LURAP1L: variants seen among roughly 807,000 people sequenced by gnomAD.
LURAP1L encodes the protein leucine rich adaptor protein 1-like.
In LURAP1L, 12 loss-of-function variants were observed where a neutral mutation model predicts 13.8. The ratio of observed to expected loss-of-function variants is 0.87; its 90% CI spans 0.56 to 1.41. The LOEUF is 1.41. Ranked by LOEUF, LURAP1L falls within the 40% of genes most tolerant of loss-of-function variation. LURAP1L has a pLI of 0.00. For synonymous variants in LURAP1L, 139 were observed against 119.2 expected (o/e 1.17, Z -1.08); for missense variants, 375 against 292.9 (o/e 1.28, Z -2.04).
Position 12,776,096 on chromosome 9 carries a change from T to TGGGGCTGGGAGAGAGGACGGCA in LURAP1L, c.312+77_312+98dup, listed in dbSNP as rs1402415465. The TGGGGCTGGGAGAGAGGACGGCA allele has an allele frequency of 2.7e-6, 4 of 1,485,652 alleles. No homozygotes were observed. In the African/African-American group the frequency reaches 5.6e-5, roughly 21 times the overall value. 92.0% of individuals were successfully genotyped at this position (1,485,652 alleles called of 1,614,324 possible). On this transcript the variant is annotated intron_variant, in intron 1 of 1. Coordinates refer to ENST00000319264, the MANE Select transcript of LURAP1L (RefSeq NM_203403.2). ...GCCAAAAGATGGGGCGATCTGAGAA[T>TGGGGCTGGGAGAGAGGACGGCA]GGGGCTGGGAGAGAGGACGGCAGGG... is the stretch of plus-strand genomic sequence containing the variant.
At chr9:12,777,178 T>C in intron 1 of LURAP1L, 1 of 905,234 alleles carries the variant, frequency 1.1e-6, no homozygotes, top group Non-Finnish European at 1.3e-6. Context: ...AGTTCTATCA[T>C]TTAGTGATTG....
At chr9:12,814,923 C>T (rs942181234) in intron 1 of LURAP1L, among the ~76,000 whole-genome samples, 7 of 152,126 alleles carry the variant, frequency 4.6e-5, no homozygotes, top group African/African-American at 1.7e-4. Flanking sequence ...CAGTTAGAAA[C>T]AAATTTTGTT....
chr9:12,800,428 T>C (rs984094363), intron 1 of LURAP1L, among the ~76,000 whole-genome samples: 3 of 151,960 alleles, frequency 2.0e-5, no homozygotes, highest in Admixed American at 6.6e-5. Flanking sequence ...AGATCCAAAA[T>C]CCAAATCATG....
chr9:12,815,480 C>T lies in LURAP1L; in HGVS notation c.313-5906C>T, dbSNP rs149340305. ...ATGAGAAACTAGGGTTAGAGCATCA[C>T]ATTAAAAAGCAAGTCTAATCTTTCT... On this transcript the variant is annotated intron_variant, in intron 1 of 1. Coordinates refer to ENST00000319264, the MANE Select transcript of LURAP1L (RefSeq NM_203403.2). Among the ~76,000 whole-genome samples the T allele has an allele frequency of 1.4e-3, 216 of 152,272 alleles. 2 individuals are homozygous for T. Among genetic ancestry groups the T allele is most frequent in the Non-Finnish European group, 2.2e-3 (148 of 68,008 alleles).
intron 1 of LURAP1L, among the ~76,000 whole-genome samples, chr9:12,813,576 A>G (rs1819766641): frequency 6.6e-6 from 1 of 152,154 alleles, no homozygotes; most frequent in African/African-American, 2.4e-5. Context: ...GACTTAAGTG[A>G]TAGAGAAAAT....
At chr9:12,819,997 T>G (rs190861518) in intron 1 of LURAP1L, among the ~76,000 whole-genome samples, 130 of 152,174 alleles carry the variant, frequency 8.5e-4, no homozygotes, top group Non-Finnish European at 1.4e-3. Flanking sequence ...GACTAGGACC[T>G]CTAGTGGCCA....
intron 1 of LURAP1L, among the ~76,000 whole-genome samples, chr9:12,782,324 C>G (rs1262861378): frequency 6.6e-6 from 1 of 152,176 alleles, no homozygotes; most frequent in Non-Finnish European, 1.5e-5. Flanking sequence ...CTCAAGAAGT[C>G]CTTGTCCAGA....
chr9:12,807,170 G>A (rs1203270702), intron 1 of LURAP1L, among the ~76,000 whole-genome samples: 1 of 144,234 alleles, frequency 6.9e-6, no homozygotes, highest in Non-Finnish European at 1.5e-5. Context: ...GGGAGCTGAA[G>A]CAGGAGAATG....
Position 12,821,448 on chromosome 9 carries a change from C to A in LURAP1L, c.375C>A (p.Ile125=), listed in dbSNP as rs377031853. 5.9e-5 allele frequency: 95 copies of A among 1,614,054 alleles called. 2 individuals carry two copies. The highest frequency in any genetic ancestry group is 5.2e-4 in the South Asian group (47 of 91,078). The change falls in exon 2 of 2, where the codon ATC becomes ATA. Residue 125 remains isoleucine, a synonymous_variant. Coordinates refer to ENST00000319264, the MANE Select transcript of LURAP1L (RefSeq NM_203403.2). ...AGTTGCTTGTAATCAATGAGAGCAT[C>A]GAGTCCATCAAGTGGATGATCGAAG... The part of the protein sequence containing the change: ...MRQLLVINES[I]ESIKWMIEEK...
At chr9:12,799,505 G>C (rs548180306) in intron 1 of LURAP1L, among the ~76,000 whole-genome samples, 2 of 152,244 alleles carry the variant, frequency 1.3e-5, no homozygotes, top group South Asian at 2.1e-4. Flanking sequence ...AGAACAACCA[G>C]ATCATTACTG....
At chr9:12,811,627 A>G (rs1273735130) in intron 1 of LURAP1L, among the ~76,000 whole-genome samples, 1 of 152,196 alleles carries the variant, frequency 6.6e-6, no homozygotes, top group Non-Finnish European at 1.5e-5. Context: ...GTATCATGCC[A>G]CAGACAGTGA....
At chr9:12,799,275 CTCTG>C (rs1325266924) in intron 1 of LURAP1L, among the ~76,000 whole-genome samples, 1 of 152,086 alleles carries the variant, frequency 6.6e-6, no homozygotes, top group East Asian at 1.9e-4. Context: ...TCTCTGATTC[CTCTG>C]TCTGTCTTTA....
intron 1 of LURAP1L, among the ~76,000 whole-genome samples, chr9:12,808,076 C>G (rs1309063285): frequency 6.6e-6 from 1 of 151,962 alleles, no homozygotes; most frequent in Non-Finnish European, 1.5e-5. Context: ...AATGCATTGT[C>G]ATTGTTATTT....
At chr9:12,807,497 A>G (rs1819676265) in intron 1 of LURAP1L, among the ~76,000 whole-genome samples, 1 of 152,164 alleles carries the variant, frequency 6.6e-6, no homozygotes, top group African/African-American at 2.4e-5. Context: ...TAAAATCTGC[A>G]AGAATATGAT....
chr9:12,787,308 C>A (rs1586876727), intron 1 of LURAP1L, among the ~76,000 whole-genome samples: 1 of 152,124 alleles, frequency 6.6e-6, no homozygotes, highest in East Asian at 1.9e-4. Flanking sequence ...CTGAGAAGTT[C>A]ATGACGCAGC....
chr9:12,806,631 GTTTTAC>G (rs889351834), intron 1 of LURAP1L, among the ~76,000 whole-genome samples: 2 of 151,978 alleles, frequency 1.3e-5, no homozygotes, highest in Non-Finnish European at 2.9e-5. Flanking sequence ...ACAATTTTAT[GTTTTAC>G]TTTTAGAAGT....
chr9:12,812,417 C>T (rs1819749162), intron 1 of LURAP1L, among the ~76,000 whole-genome samples: 1 of 152,160 alleles, frequency 6.6e-6, no homozygotes, highest in Non-Finnish European at 1.5e-5. Context: ...TATTCTGTTG[C>T]AGAGATTGCT....
chr9:12,777,835 A>C (rs1819213201), intron 1 of LURAP1L, among the ~76,000 whole-genome samples: 1 of 152,330 alleles, frequency 6.6e-6, no homozygotes, highest in South Asian at 2.1e-4. Context: ...AGAATTTTTA[A>C]ACTGATGATG....
At chr9:12,798,747 A>G (rs1441302318) in intron 1 of LURAP1L, among the ~76,000 whole-genome samples, 1 of 152,212 alleles carries the variant, frequency 6.6e-6, no homozygotes, top group Non-Finnish European at 1.5e-5. Flanking sequence ...GACAATAGGA[A>G]TAGAAATCAG....
Sources: allele counts gnomAD v4.1 joint callset (sites outside exome capture counted in the v4.1 genomes callset), GRCh38; gene constraint gnomAD v4.1.1; transcripts MANE v1.5; gene names NCBI Gene and HGNC (gene_info 2026-07-23, HGNC 2026-07-21).